The following PLG variants were observed in gnomAD, a reference collection of about 807,000 sequenced individuals.
PLG encodes plasmin.
Under a neutral mutation model 104.4 loss-of-function variants are expected in PLG, and 41 were observed. The observed-to-expected ratio is 0.39, with a 90% CI of 0.31 to 0.51. The LOEUF is 0.51. PLG is among the 20% of genes least tolerant of loss of function. The pLI is 0.76. For synonymous variants in PLG, 337 were observed against 357.1 expected (o/e 0.94, Z 0.63); for missense variants, 891 against 1,003.6 (o/e 0.89, Z 1.52).
rs374534163 is a variant in PLG, at chr6:160,703,640, C to T, written c.49+1287C>T. 1.6e-3 allele frequency among the ~76,000 whole-genome samples: 239 copies of T among 152,182 alleles called. 6 individuals carry two copies. The South Asian group carries it at 0.047, about 30-fold the overall frequency. On this transcript the variant is annotated intron_variant, in intron 1 of 18. Coordinates refer to ENST00000308192, the MANE Select transcript of PLG (RefSeq NM_000301.5). ...CAAATACATTTGAATTTAGTGGAAGCCATTCAAGGAGCTATCAAAGAAAAT... is the reference window on the plus strand; with the variant it reads ...CAAATACATTTGAATTTAGTGGAAGTCATTCAAGGAGCTATCAAAGAAAAT...
At chr6:160,710,577 G>C (rs1445780484) in intron 3 of PLG, among the ~76,000 whole-genome samples, 2 of 152,014 alleles carry the variant, frequency 1.3e-5, no homozygotes, top group Non-Finnish European at 2.9e-5. Context: ...GCCCTGTTTG[G>C]CACTTTTTCA....
At chr6:160,751,620 C>A in intron 17 of PLG, among the ~76,000 whole-genome samples, 1 of 152,158 alleles carries the variant, frequency 6.6e-6, no homozygotes, top group East Asian at 1.9e-4. Flanking sequence ...TTTCCTCATT[C>A]CCAAAGGAAA....
At position 160,722,458 on chromosome 6, in the gene PLG, C is replaced by T. The variant is rs1777848083; in HGVS notation, c.1147C>T (p.Gln383Ter). The T allele has an allele frequency of 6.2e-7, 1 of 1,612,434 alleles. No individual in the cohort carries two copies. Among genetic ancestry groups the T allele is most frequent in the Non-Finnish European group, 8.5e-7 (1 of 1,178,604 alleles). The change falls in exon 10 of 19, where the codon CAG (glutamine) becomes TAG (stop). Residue 383 changes from glutamine (Q) to a stop codon, truncating the protein, a stop_gained. Coordinates refer to ENST00000308192, the MANE Select transcript of PLG (RefSeq NM_000301.5). LOFTEE classifies it high-confidence loss of function. ...VVQDCYHGDG[Q>*]SYRGTSSTTT... is the part of the protein sequence containing the mutation. Reference sequence around the variant, plus strand: ...CCAGGACTGCTACCATGGTGATGGACAGAGCTACCGAGGCACATCCTCCAC... The same window carrying T: ...CCAGGACTGCTACCATGGTGATGGATAGAGCTACCGAGGCACATCCTCCAC...
Position 160,733,092 on chromosome 6 carries a change from G to T in PLG, c.1588-903G>T, listed in dbSNP as rs767809820. Among the ~76,000 whole-genome samples the T allele has an allele frequency of 1.8e-4, 28 of 152,092 alleles. 1 individual carries two copies. Among genetic ancestry groups the T allele is most frequent in the Admixed American group, 6.5e-5 (1 of 15,276 alleles). ...CAAGAGTTGCTTCATTCAAACAAAA[G>T]ATGCTCCCTTCACTCAGGAACCCCC... On this transcript the variant is annotated intron_variant, in intron 12 of 18. Transcript: ENST00000308192.
intron 1 of PLG, 124 bp from the exon 2 acceptor site, chr6:160,706,283 C>T: frequency 7.8e-7 from 1 of 1,290,086 alleles, no homozygotes; most frequent in Non-Finnish European, 1.1e-6. Flanking sequence ...ACCCATTCTA[C>T]TTCCAGTAAA....
chr6:160,739,331 A>G lies in PLG; in HGVS notation c.2018+123A>G. ...AACTGTCTATCACATGAAAGGCTCA[A>G]GGGCTTTGGGGACAGCATCAATCTT... On this transcript the variant is annotated intron_variant, in intron 16 of 18. Coordinates refer to ENST00000308192, the MANE Select transcript of PLG (RefSeq NM_000301.5). This position sits in a 1 kb window ranked among gnomAD's most constrained non-coding sequence, Gnocchi z 4.4. 1 of 1,292,996 alleles carries G rather than the reference A, an allele frequency of 7.7e-7. No individual in the cohort carries two copies. Among genetic ancestry groups the G allele is most frequent in the African/African-American group, 1.5e-5 (1 of 68,536 alleles). 80.1% of individuals were successfully genotyped at this position (1,292,996 alleles called of 1,614,324 possible). A position where few individuals can be genotyped will look rare whatever the true frequency, so the allele number is the denominator to read the frequency against.
At chr6:160,718,659 T>C (rs1362004779) in intron 8 of PLG, 34 bp from the exon 9 acceptor site, 1 of 1,612,316 alleles carries the variant, frequency 6.2e-7, no homozygotes, top group Non-Finnish European at 8.5e-7. Context: ...TTTTTCTTTT[T>C]GGAAAGCTAA....
chr6:160,707,240 T>C (rs1243527859), intron 2 of PLG, among the ~76,000 whole-genome samples: 2 of 151,922 alleles, frequency 1.3e-5, no homozygotes, highest in Non-Finnish European at 2.9e-5. Context: ...GAATCCAGAC[T>C]GAGCACCCAT....
chr6:160,727,096 C>T (rs1370913698), intron 10 of PLG, among the ~76,000 whole-genome samples: 1 of 151,736 alleles, frequency 6.6e-6, no homozygotes, highest in Non-Finnish European at 1.5e-5. Flanking sequence ...AGGGAAGAGT[C>T]ATTGCTATAG....
rs552673497 is a variant in PLG, at chr6:160,748,237, G to A, written c.2126-3878G>A. 3.3e-3 allele frequency among the ~76,000 whole-genome samples: 499 copies of A among 151,186 alleles called. 2 individuals carry two copies. The highest frequency in any genetic ancestry group is 0.012 in the African/African-American group (482 of 41,128). ...GGAGAATCGCTTCAACCTGGGAGGT[G>A]GAGGTTGCAGTGAGCCAAGATTGTG... On this transcript the variant is annotated intron_variant, in intron 17 of 18. Coordinates refer to ENST00000308192, the MANE Select transcript of PLG (RefSeq NM_000301.5).
chr6:160,737,540 T>C lies in PLG; in HGVS notation c.1802+533T>C, dbSNP rs1778106834. ...GGTCATGATCCCCATAAATGAAGAGTGATCAGTCCAATCCCAGGGAACCTG... is the reference window on the plus strand; with the variant it reads ...GGTCATGATCCCCATAAATGAAGAGCGATCAGTCCAATCCCAGGGAACCTG... On this transcript the variant is annotated intron_variant, in intron 14 of 18. Coordinates refer to ENST00000308192, the MANE Select transcript of PLG (RefSeq NM_000301.5). The surrounding 1 kb of genome is among the most constrained non-coding windows in gnomAD (Gnocchi z 4.7). Among the ~76,000 whole-genome samples, 1 of 151,976 alleles carries C rather than the reference T, an allele frequency of 6.6e-6. No individual in the cohort carries two copies. The highest frequency in any genetic ancestry group is 6.6e-5 in the Admixed American group (1 of 15,264).
At chr6:160,743,644 C>G (rs776699274) in intron 17 of PLG, among the ~76,000 whole-genome samples, 1 of 152,098 alleles carries the variant, frequency 6.6e-6, no homozygotes, top group East Asian at 1.9e-4. Flanking sequence ...ATCTGGATGC[C>G]CTTTATTTCT....
chr6:160,717,773 C>A (rs1407311366), intron 7 of PLG, among the ~76,000 whole-genome samples: 2 of 152,170 alleles, frequency 1.3e-5, no homozygotes, highest in African/African-American at 4.8e-5. Context: ...AAGGGTCTTT[C>A]TCTGAAGGAG....
At chr6:160,729,158 A>G (rs1011615593) in intron 10 of PLG, among the ~76,000 whole-genome samples, 1 of 152,192 alleles carries the variant, frequency 6.6e-6, no homozygotes, top group African/African-American at 2.4e-5. Context: ...AAAATGCTCA[A>G]CATTTTAGCC....
chr6:160,706,456 G>A lies in PLG; in HGVS notation c.99G>A (p.Leu33=), dbSNP rs140570408. 1 of 1,613,784 alleles carries A rather than the reference G, an allele frequency of 6.2e-7. No homozygotes were observed. Among genetic ancestry groups the A allele is most frequent in the Non-Finnish European group, 8.5e-7 (1 of 1,179,726 alleles). The change falls in exon 2 of 19, where the codon CTG becomes CTA. Residue 33 remains leucine, a synonymous_variant. Coordinates refer to ENST00000308192, the MANE Select transcript of PLG (RefSeq NM_000301.5). ...DDYVNTQGAS[L]FSVTKKQLGA... ...ATGTGAATACCCAGGGGGCTTCACT[G>A]TTCAGTGTCACTAAGAAGCAGCTGG...
At position 160,737,775 on chromosome 6, in the gene PLG, T is replaced by C. The variant is rs989969710; in HGVS notation, c.1803-763T>C. Among the ~76,000 whole-genome samples, 5 of 152,222 alleles carry C rather than the reference T, an allele frequency of 3.3e-5. No individual in the cohort carries two copies. The highest frequency in any genetic ancestry group is 1.2e-4 in the African/African-American group (5 of 41,458). Reference sequence around the variant, plus strand: ...GTTTGTGAAATGCCATCGACAAACCTGATCGCATTGCATTTCACTCTGCTG... The same window carrying C: ...GTTTGTGAAATGCCATCGACAAACCCGATCGCATTGCATTTCACTCTGCTG... On this transcript the variant is annotated intron_variant, in intron 14 of 18. Coordinates refer to ENST00000308192, the MANE Select transcript of PLG (RefSeq NM_000301.5). This position sits in a 1 kb window ranked among gnomAD's most constrained non-coding sequence, Gnocchi z 4.7.
rs2115177564 is a variant in PLG at position 160,736,140 on chromosome 6, C to T, written c.1682-747C>T. Among the ~76,000 whole-genome samples, 1 of 152,332 alleles carries T rather than the reference C, an allele frequency of 6.6e-6. No individual in the cohort carries two copies. Among genetic ancestry groups the T allele is most frequent in the East Asian group, 1.9e-4 (1 of 5,190 alleles). On this transcript the variant is annotated intron_variant, in intron 13 of 18. Transcript: ENST00000308192. The surrounding 1 kb of genome is among the most constrained non-coding windows in gnomAD (Gnocchi z 5.2). The stretch of plus-strand genomic sequence containing the variant: ...CATTTTTGAATACCCTCTGCAGCCC[C>T]TGCACTGTTGTAGGCATTGGTGGAT...
intron 17 of PLG, among the ~76,000 whole-genome samples, chr6:160,743,444 G>A (rs1778228173): frequency 6.6e-6 from 1 of 152,126 alleles, no homozygotes; most frequent in East Asian, 1.9e-4. Context: ...CTGTGTTCCT[G>A]ATTTGCCTCT....
rs1277342825 is a variant in PLG, at chr6:160,738,138, A to C, written c.1803-400A>C. Reference sequence around the variant, plus strand: ...CAGGATCACATCTGGCTCCTTGAAGAGTGATTCATCAGACCTTACATAGAT... The same window carrying C: ...CAGGATCACATCTGGCTCCTTGAAGCGTGATTCATCAGACCTTACATAGAT... On this transcript the variant is annotated intron_variant, in intron 14 of 18. Transcript: ENST00000308192. This position sits in a 1 kb window ranked among gnomAD's most constrained non-coding sequence, Gnocchi z 6.8. Among the ~76,000 whole-genome samples the C allele has an allele frequency of 6.6e-6, 1 of 152,250 alleles. No homozygotes were observed. The highest frequency in any genetic ancestry group is 1.5e-5 in the Non-Finnish European group (1 of 68,048).
Sources: gnomAD v4.1 joint callset for allele counts (sites outside exome capture counted in the v4.1 genomes callset) on GRCh38, gnomAD v4.1.1 for gene constraint, Gnocchi (gnomAD v3.1) non-coding constraint, MANE v1.5 for transcripts, NCBI Gene and HGNC (gene_info 2026-07-23, HGNC 2026-07-21) for gene names.